The following CDH4 variants were observed in gnomAD, a reference collection of about 807,000 sequenced individuals.
CDH4 encodes the protein cadherin-4.
In CDH4, 33 loss-of-function variants were observed where a neutral mutation model predicts 86.0. The observed-to-expected ratio is 0.38, with a 90% CI of 0.29 to 0.51. The LOEUF (loss-of-function observed/expected upper bound fraction) is 0.51, where lower values mean the gene tolerates loss of function less well. CDH4 is among the 20% of genes least tolerant of loss of function. The pLI, the probability that CDH4 is intolerant of heterozygous loss-of-function variation, is 0.86. For missense variants in CDH4, 1,114 were observed against 1,307.4 expected (o/e 0.85, Z 2.28); for synonymous variants, 555 against 549.4 (o/e 1.01, Z -0.14).
At chr20:61,527,070 T>G (rs2085916221) in intron 2 of CDH4, among the ~76,000 whole-genome samples, 1 of 152,232 alleles carries the variant, frequency 6.6e-6, no homozygotes, top group African/African-American at 2.4e-5. Flanking sequence ...TGGGATTACT[T>G]GCTAACGCTG....
intron 6 of CDH4, among the ~76,000 whole-genome samples, chr20:61,868,780 T>C (rs912714488): frequency 6.6e-6 from 1 of 152,134 alleles, no homozygotes; most frequent in Non-Finnish European, 1.5e-5. Context: ...TGGAGCTGCC[T>C]CTCCTCTTGT....
intron 6 of CDH4, among the ~76,000 whole-genome samples, chr20:61,861,893 C>A (rs901857486): frequency 1.3e-5 from 2 of 152,150 alleles, no homozygotes; most frequent in Admixed American, 6.5e-5. Context: ...AACGCAGGAA[C>A]CCCACCCTCC....
intron 7 of CDH4, among the ~76,000 whole-genome samples, chr20:61,887,452 T>TGCACACATACACGTGTGTATACAC (rs1984597239): frequency 6.6e-6 from 1 of 152,094 alleles, no homozygotes; most frequent in South Asian, 2.1e-4. Context: ...CATACAGAGG[T>TGCACACATACACGTGTGTATACAC]GCACACATAC....
At chr20:61,362,089 G>T (rs2084786477) in intron 2 of CDH4, among the ~76,000 whole-genome samples, 1 of 152,240 alleles carries the variant, frequency 6.6e-6, no homozygotes, top group African/African-American at 2.4e-5. Context: ...AGCATGGTCG[G>T]TGAAGACCTT....
chr20:61,732,774 T>C (rs530746488), intron 2 of CDH4, among the ~76,000 whole-genome samples: 1 of 152,304 alleles, frequency 6.6e-6, no homozygotes, highest in South Asian at 2.1e-4. Flanking sequence ...CATAGGCGAT[T>C]CTTGAATGGA....
rs1437167169 is a variant in CDH4, at chr20:61,938,937, C to G, written c.*1994C>G. 1 of 152,286 alleles carries G rather than the reference C, an allele frequency of 6.6e-6. No individual in the cohort carries two copies. The allele number at this position is 152,286 out of a possible 1,614,324, so 9.4% of individuals were successfully genotyped here. A position where few individuals can be genotyped will look rare whatever the true frequency, so the allele number is the denominator to read the frequency against. ...GGTTCACTGTGCCACGTGCTGGGTG[C>G]CCCCCTCTGCAGACAGCCAGTCCAG... is the stretch of plus-strand genomic sequence containing the variant. On this transcript the variant is annotated 3_prime_UTR_variant, in exon 16 of 16. Coordinates refer to ENST00000614565, the MANE Select transcript of CDH4 (RefSeq NM_001794.5).
chr20:61,887,237 G>A (rs1428428220), intron 7 of CDH4, among the ~76,000 whole-genome samples: 1 of 152,190 alleles, frequency 6.6e-6, no homozygotes, highest in Non-Finnish European at 1.5e-5. Flanking sequence ...CAGAAGCCCT[G>A]CCAACGGGAA....
chr20:61,256,497 A>C (rs73311178), intron 2 of CDH4, among the ~76,000 whole-genome samples: 25,901 of 152,144 alleles, frequency 0.17, 2,894 homozygotes, highest in African/African-American at 0.31. Flanking sequence ...GTGTGGGGAT[A>C]TCTGCTCCAG....
At chr20:61,268,537 C>G (rs2084168534) in intron 2 of CDH4, among the ~76,000 whole-genome samples, 1 of 152,172 alleles carries the variant, frequency 6.6e-6, no homozygotes. Context: ...AGTATTTGTC[C>G]CTTCCAAATC....
intron 2 of CDH4, among the ~76,000 whole-genome samples, chr20:61,424,181 T>G (rs79741673): frequency 6.8e-6 from 1 of 146,424 alleles, no homozygotes; most frequent in Non-Finnish European, 1.5e-5. Context: ...TATCCACACA[T>G]AGCACACATG....
intron 2 of CDH4, among the ~76,000 whole-genome samples, chr20:61,561,895 G>C (rs746458973): frequency 7.3e-4 from 111 of 152,372 alleles, no homozygotes; most frequent in African/African-American, 2.5e-3. Flanking sequence ...GGCTGCATGC[G>C]CCATGTTTCT....
chr20:61,588,361 A>G (rs113429025), intron 2 of CDH4, among the ~76,000 whole-genome samples: 2,246 of 152,324 alleles, frequency 0.015, 48 homozygotes, highest in African/African-American at 0.042. Flanking sequence ...CTGCTTCCAG[A>G]AGGTCTGGGC....
chr20:61,383,178 T>A (rs2084915809), intron 2 of CDH4, among the ~76,000 whole-genome samples: 1 of 78,912 alleles, frequency 1.3e-5, no homozygotes, highest in Non-Finnish European at 2.3e-5. Flanking sequence ...TGAATATATT[T>A]ATGAATATAT....
intron 2 of CDH4, among the ~76,000 whole-genome samples, chr20:61,351,851 G>C (rs2084714716): frequency 6.6e-6 from 1 of 152,068 alleles, no homozygotes; most frequent in African/African-American, 2.4e-5. Flanking sequence ...CGAGTAGCTG[G>C]GACTATGGGC....
intron 2 of CDH4, among the ~76,000 whole-genome samples, chr20:61,279,572 G>C (rs1342293836): frequency 6.6e-6 from 1 of 152,154 alleles, no homozygotes; most frequent in African/African-American, 2.4e-5. Flanking sequence ...TGCATCCTCT[G>C]TCTAGAGCAG....
intron 2 of CDH4, among the ~76,000 whole-genome samples, chr20:61,722,496 A>G (rs2088053541): frequency 6.6e-6 from 1 of 152,204 alleles, no homozygotes; most frequent in South Asian, 2.1e-4. Context: ...AGCAGGACCC[A>G]GGTGCATCCC....
chr20:61,635,781 G>A (rs1032152198), intron 2 of CDH4, among the ~76,000 whole-genome samples: 9 of 152,314 alleles, frequency 5.9e-5, no homozygotes, highest in South Asian at 2.1e-4. Context: ...CTGCAAGCAC[G>A]TCTTCCTGGT....
intron 3 of CDH4, among the ~76,000 whole-genome samples, chr20:61,746,879 G>A (rs960861579): frequency 6.6e-6 from 1 of 152,342 alleles, no homozygotes; most frequent in Middle Eastern, 3.4e-3. Flanking sequence ...GGGAGTGGGG[G>A]TCACTGTGGG....
At chr20:61,576,889 C>T (rs1418232796) in intron 2 of CDH4, among the ~76,000 whole-genome samples, 1 of 152,210 alleles carries the variant, frequency 6.6e-6, no homozygotes, top group East Asian at 1.9e-4. Context: ...ATCCTTGGGA[C>T]TCTAGGGTCT....
Sources: gnomAD v4.1 joint callset for allele counts (sites outside exome capture counted in the v4.1 genomes callset) on GRCh38, gnomAD v4.1.1 for gene constraint, MANE v1.5 for transcripts, NCBI Gene and HGNC (gene_info 2026-07-23, HGNC 2026-07-21) for gene names.